The following CCNC variants were observed in gnomAD, a reference collection of about 807,000 sequenced individuals.
CCNC encodes the protein cyclin C.
Under a neutral mutation model 50.0 loss-of-function variants are expected in CCNC, and 19 were observed. The ratio of observed to expected loss-of-function variants is 0.38; its 90% CI spans 0.27 to 0.56. The LOEUF (loss-of-function observed/expected upper bound fraction) is 0.56, where lower values mean the gene tolerates loss of function less well. Ranked by LOEUF, CCNC falls within the 20% of genes least tolerant of loss-of-function variation. The probability of loss-of-function intolerance (pLI) is 0.72; values close to 1 mark genes in which losing one functional copy is unlikely to be tolerated. For missense variants in CCNC, 200 were observed against 327.1 expected (o/e 0.61, Z 3.00); for synonymous variants, 93 against 103.7 (o/e 0.90, Z 0.63).
At chr6:99,563,060 G>A in intron 1 of CCNC, 112 bp from the exon 2 acceptor site, 2 of 649,512 alleles carry the variant, frequency 3.1e-6, no homozygotes, top group Non-Finnish European at 5.3e-6. Context: ...TAACCTTAAA[G>A]ACAATTATTT....
At position 99,543,507 on chromosome 6, in the gene CCNC, C is replaced by G. The variant is rs911383441; in HGVS notation, c.*48G>C. ...CACTGAAGACATTACTGAAATCTGT[C>G]CAATGGTTTATTTCCAAGTGGTCCA... On this transcript the variant is annotated 3_prime_UTR_variant, in exon 12 of 12. Coordinates refer to ENST00000520429, the MANE Select transcript of CCNC (RefSeq NM_005190.4). The G allele has an allele frequency of 9.4e-6, 15 of 1,600,050 alleles. No individual in the cohort carries two copies. Among genetic ancestry groups the G allele is most frequent in the Non-Finnish European group, 1.3e-5 (15 of 1,168,122 alleles).
upstream of CCNC, chr6:99,568,738 G>C (rs1477211034): frequency 3.6e-6 from 5 of 1,399,100 alleles, no homozygotes; most frequent in Non-Finnish European, 4.6e-6. Context: ...CGTTCCTATC[G>C]ACAAAAGTTC....
chr6:99,566,670 A>AT (rs1769140681), intron 1 of CCNC, among the ~76,000 whole-genome samples: 1 of 152,176 alleles, frequency 6.6e-6, no homozygotes, highest in Non-Finnish European at 1.5e-5. Context: ...TTTCACAAAC[A>AT]TTTTATGAGT....
At chr6:99,557,963 T>C (rs1802610649) in intron 5 of CCNC, 1 of 153,232 alleles carries the variant, frequency 6.5e-6, no homozygotes, top group African/African-American at 2.4e-5. Context: ...TGGATTTCCA[T>C]GCTCTAAAAC....
upstream of CCNC, chr6:99,568,728 C>T: frequency 1.4e-6 from 2 of 1,410,276 alleles, no homozygotes; most frequent in South Asian, 1.6e-5. Flanking sequence ...TGTGCAAACC[C>T]GTTCCTATCG....
intron 6 of CCNC, among the ~76,000 whole-genome samples, chr6:99,551,538 G>A (rs1182867160): frequency 6.6e-6 from 1 of 152,240 alleles, no homozygotes; most frequent in East Asian, 1.9e-4. Context: ...CTTTTACACA[G>A]TACCAATGTT....
intron 9 of CCNC, chr6:99,549,306 A>C (rs1250713826): frequency 3.4e-5 from 20 of 596,678 alleles, no homozygotes; most frequent in Non-Finnish European, 5.3e-5. Flanking sequence ...AAAAAAAAAA[A>C]CTTACCAAAA....
chr6:99,543,921 G>A, intron 11 of CCNC: 3 of 1,261,966 alleles, frequency 2.4e-6, no homozygotes, highest in Non-Finnish European at 3.0e-6. Context: ...TCAACATAGA[G>A]ATTACAGCTT....
Position 99,543,400 on chromosome 6 carries a change from T to C in CCNC, c.*155A>G. On this transcript the variant is annotated 3_prime_UTR_variant, in exon 12 of 12. Transcript: ENST00000520429. ...AATCAATTATGTACTAGAATCATATTAAAGAAAAACTTATTTTGCAAAAAT... is the reference window on the plus strand; with the variant it reads ...AATCAATTATGTACTAGAATCATATCAAAGAAAAACTTATTTTGCAAAAAT... 1 of 727,356 alleles carries C rather than the reference T, an allele frequency of 1.4e-6. No individual in the cohort carries two copies. The highest frequency in any genetic ancestry group is 2.2e-6 in the Non-Finnish European group (1 of 447,388). The allele number at this position is 727,356 out of a possible 1,614,324, so 45.1% of individuals were successfully genotyped here.
chr6:99,561,702 T>C (rs1039457432), intron 2 of CCNC, 21 bp from the exon 3 acceptor site: 16 of 1,380,706 alleles, frequency 1.2e-5, no homozygotes, highest in Middle Eastern at 1.8e-4. Flanking sequence ...AATAATGAAA[T>C]TTTAAATGTA....
chr6:99,548,742 G>A (rs1014615179), intron 9 of CCNC, among the ~76,000 whole-genome samples: 4 of 149,398 alleles, frequency 2.7e-5, no homozygotes, highest in African/African-American at 9.9e-5. Context: ...GGCAGAGGTT[G>A]CAGTGAGCCA....
chr6:99,550,632 C>T (rs1423456469), intron 7 of CCNC: 3 of 279,890 alleles, frequency 1.1e-5, no homozygotes, highest in Non-Finnish European at 1.9e-5. Context: ...TAATTCCCAA[C>T]TGGAGGAGCA....
At chr6:99,550,741 T>C (rs972862952) in intron 7 of CCNC, 4 of 252,674 alleles carry the variant, frequency 1.6e-5, no homozygotes, top group Non-Finnish European at 3.0e-5. Context: ...ACTTGTCTGT[T>C]TGTAATCCTT....
At position 99,562,861 on chromosome 6, in the gene CCNC, T is replaced by A; in HGVS notation, c.120A>T (p.Leu40Phe). The A allele has an allele frequency of 6.3e-7, 1 of 1,589,438 alleles. No individual in the cohort carries two copies. Among genetic ancestry groups the A allele is most frequent in the Non-Finnish European group, 8.6e-7 (1 of 1,165,288 alleles). Residue 40 changes from leucine (L) to phenylalanine (F), a missense_variant, in exon 2 of 12, where the codon TTA becomes TTT. Leu to Phe is a conservative substitution (Grantham distance 22). Transcript: ENST00000520429. Reference sequence around the variant, plus strand: ...GTTTACCATTTGTAAAAAATATTTGTAACTTCCAATATTCTTCCTCTGAGA... The same window carrying A: ...GTTTACCATTTGTAAAAAATATTTGAAACTTCCAATATTCTTCCTCTGAGA... ...KFLSEEEYWK[L>F]QIFFTNVIQA...
intron 9 of CCNC, among the ~76,000 whole-genome samples, chr6:99,547,249 C>T (rs554720178): frequency 2.6e-5 from 4 of 152,180 alleles, no homozygotes; most frequent in African/African-American, 9.6e-5. Flanking sequence ...TGAACTGACA[C>T]ACTGGTTGCC....
chr6:99,560,868 G>A (rs988263507), intron 4 of CCNC, among the ~76,000 whole-genome samples: 1 of 152,214 alleles, frequency 6.6e-6, no homozygotes, highest in Non-Finnish European at 1.5e-5. Flanking sequence ...TGATGGGAGG[G>A]AAGACAGGAG....
intron 1 of CCNC, 56 bp from the exon 2 acceptor site, chr6:99,563,004 G>A (rs904351358): frequency 4.8e-6 from 5 of 1,037,142 alleles, no homozygotes; most frequent in African/African-American, 4.8e-5. Context: ...AACACTCTAA[G>A]ATTGAACACA....
intron 6 of CCNC, 117 bp downstream of exon 6, chr6:99,551,723 A>G: frequency 1.8e-6 from 1 of 567,716 alleles, no homozygotes; most frequent in Non-Finnish European, 2.8e-6. Flanking sequence ...TAATGTCTGT[A>G]TTTATGTAAT....
chr6:99,563,614 T>C (rs935828139), intron 1 of CCNC, among the ~76,000 whole-genome samples: 6 of 152,226 alleles, frequency 3.9e-5, no homozygotes, highest in Non-Finnish European at 7.4e-5. Context: ...GATGGATCAT[T>C]ATTTAGCCAA....
Sources: allele counts gnomAD v4.1 joint callset (sites outside exome capture counted in the v4.1 genomes callset), GRCh38; gene constraint gnomAD v4.1.1; transcripts MANE v1.5; gene names NCBI Gene and HGNC (gene_info 2026-07-23, HGNC 2026-07-21).